Variants in SLC37A2 observed in about 807,000 individuals in gnomAD.
SLC37A2 encodes glucose-6-phosphate exchanger SLC37A2.
A neutral mutation model predicts 70.7 loss-of-function variants in SLC37A2; 59 were observed. That is an observed-to-expected ratio of 0.83 (90% CI 0.68 to 1.04). The LOEUF (loss-of-function observed/expected upper bound fraction) is 1.04, where lower values mean the gene tolerates loss of function less well. Ranked by LOEUF, SLC37A2 falls within the 50% of genes least tolerant of loss-of-function variation. The pLI, the probability that SLC37A2 is intolerant of heterozygous loss-of-function variation, is 0.00. For synonymous variants in SLC37A2, 257 were observed against 262.1 expected (o/e 0.98, Z 0.19); for missense variants, 580 against 658.1 (o/e 0.88, Z 1.30).
chr11:125,070,430 A>G (rs75743586), intron 1 of SLC37A2, among the ~76,000 whole-genome samples: 36,982 of 151,914 alleles, frequency 0.24, 4,864 homozygotes, highest in African/African-American at 0.35. Flanking sequence ...CAGCAGGGGA[A>G]TATGATCTTA....
At position 125,081,443 on chromosome 11, in the gene SLC37A2, C is replaced by G; in HGVS notation, c.717C>G (p.Ala239=). ...TAGACCCAGAAGATGTGGACTGCGC[C>G]CCTCCTCAGCACCACGTGAGTGTGA... ...LIEHPEDVDC[A]PPQHHGEPAE... is the part of the protein sequence containing the mutation. Residue 239 remains alanine, a synonymous_variant, in exon 8 of 18, where the codon GCC becomes GCG. Transcript: ENST00000403796. The G allele has an allele frequency of 6.2e-7, 1 of 1,609,496 alleles. No individual in the cohort carries two copies. The highest frequency in any genetic ancestry group is 8.5e-7 in the Non-Finnish European group (1 of 1,177,622).
rs1444227635 is a variant in SLC37A2 at position 125,085,112 on chromosome 11, C to T, written c.1221C>T (p.Leu407=). 4 of 1,614,058 alleles carry T rather than the reference C, an allele frequency of 2.5e-6. No homozygotes were observed. Among genetic ancestry groups the T allele is most frequent in the East Asian group, 2.2e-5 (1 of 44,888 alleles). ...CGGLVNGPYA[L]ITTAVSADLG... ...GCCTGGTCAATGGCCCATACGCGCT[C>T]ATCACCACTGCTGTCTCTGCTGATC... is the stretch of plus-strand genomic sequence containing the variant. The change falls in exon 14 of 18, where the codon CTC becomes CTT. Residue 407 remains leucine (L), a synonymous_variant. Coordinates refer to ENST00000403796, the MANE Select transcript of SLC37A2 (RefSeq NM_001145290.2).
intron 1 of SLC37A2, among the ~76,000 whole-genome samples, chr11:125,065,183 C>A (rs1463694702): frequency 6.6e-6 from 1 of 152,208 alleles, no homozygotes; most frequent in African/African-American, 2.4e-5. Flanking sequence ...ATGTGCTAGA[C>A]AAGGCATAGT....
In SLC37A2 at chr11:125,083,776, C is replaced by T. The variant is rs537779507; in HGVS notation, c.977-39C>T. 1.1e-5 allele frequency: 18 copies of T among 1,595,106 alleles called. No homozygotes were observed. The highest frequency in any genetic ancestry group is 8.0e-5 in the African/African-American group (6 of 74,666). The stretch of plus-strand genomic sequence containing the variant: ...CTGTGACACTCCAGGATGTTTGCCC[C>T]AAACCCCAGGTCTGACCACATACCT... On this transcript the variant is annotated intron_variant, in intron 10 of 17. Transcript: ENST00000403796. This position sits in a 1 kb window ranked among gnomAD's most constrained non-coding sequence, Gnocchi z 4.6.
intron 2 of SLC37A2, 115 bp from the exon 3 acceptor site, chr11:125,077,115 A>G: frequency 1.2e-6 from 1 of 857,876 alleles, no homozygotes; most frequent in Non-Finnish European, 1.8e-6. Flanking sequence ...AGGAGGTGCC[A>G]GTAGCGGGGA....
rs756632851 is a variant in SLC37A2 at position 125,077,515 on chromosome 11, G to T, written c.301G>T (p.Gly101Cys). The change falls in exon 4 of 18, where the codon GGC becomes TGC. Residue 101 changes from glycine (G) to cysteine (C), a missense_variant. Transcript: ENST00000403796. ...DNAFLIAYAIGMFISGVFGER... is the reference protein window; with the variant it reads ...DNAFLIAYAICMFISGVFGER... The stretch of plus-strand genomic sequence containing the variant: ...CGCCTTCCTCATCGCCTATGCCATC[G>T]GCATGTTCATCAGGTAAGGACAGAG... The T allele has an allele frequency of 1.9e-6, 3 of 1,613,492 alleles. No individual in the cohort carries two copies. The highest frequency in any genetic ancestry group is 2.5e-6 in the Non-Finnish European group (3 of 1,179,606).
intron 1 of SLC37A2, among the ~76,000 whole-genome samples, chr11:125,071,635 A>T (rs541915836): frequency 1.3e-5 from 2 of 152,144 alleles, no homozygotes; most frequent in Non-Finnish European, 2.9e-5. Context: ...GATCTCTCTG[A>T]GCATGTGCCC....
At chr11:125,071,805 CT>C (rs1307812107) in intron 1 of SLC37A2, among the ~76,000 whole-genome samples, 1 of 121,824 alleles carries the variant, frequency 8.2e-6, no homozygotes, top group Non-Finnish European at 1.6e-5. Context: ...CCTGGCTGGC[CT>C]TTTCCTAGCA....
chr11:125,086,291 G>A, intron 17 of SLC37A2: 6 of 1,522,322 alleles, frequency 3.9e-6, no homozygotes, highest in Non-Finnish European at 4.6e-6. Flanking sequence ...TGTGACTCGA[G>A]TGCCATTTGA....
rs1258320588 is a variant in SLC37A2 at position 125,085,623 on chromosome 11, C to T, written c.1374C>T (p.Gly458=). The T allele has an allele frequency of 6.2e-7, 1 of 1,613,850 alleles. No homozygotes were observed. The highest frequency in any genetic ancestry group is 1.7e-5 in the Admixed American group (1 of 60,022). ...PLLAGLISPT[G]WNNVFYMLIS... ...TGGCTGGGCTCATCTCCCCCACGGG[C>T]TGGAACAATGTCTTCTACATGCTCA... The change falls in exon 16 of 18, where the codon GGC becomes GGT. Residue 458 remains glycine, a synonymous_variant. Coordinates refer to ENST00000403796, the MANE Select transcript of SLC37A2 (RefSeq NM_001145290.2).
rs756862145 is a variant in SLC37A2, at chr11:125,081,444, C to A, written c.718C>A (p.Pro240Thr). Reference sequence around the variant, plus strand: ...AGACCCAGAAGATGTGGACTGCGCCCCTCCTCAGCACCACGTGAGTGTGAG... The same window carrying A: ...AGACCCAGAAGATGTGGACTGCGCCACTCCTCAGCACCACGTGAGTGTGAG... ...IEHPEDVDCA[P>T]PQHHGEPAEN... The change falls in exon 8 of 18, where the codon CCT becomes ACT. Residue 240 changes from proline (P) to threonine (T), a missense_variant. Physicochemically the swap from Pro to Thr is conservative, Grantham distance 38. Coordinates refer to ENST00000403796, the MANE Select transcript of SLC37A2 (RefSeq NM_001145290.2). 1.9e-6 allele frequency: 3 copies of A among 1,609,390 alleles called. No homozygotes were observed. Among genetic ancestry groups the A allele is most frequent in the Admixed American group, 3.4e-5 (2 of 59,474 alleles).
At position 125,088,425 on chromosome 11, in the gene SLC37A2, G is replaced by A; in HGVS notation, c.*291G>A. The A allele has an allele frequency of 2.2e-6, 1 of 453,066 alleles. No homozygotes were observed. The highest frequency in any genetic ancestry group is 3.8e-5 in the South Asian group (1 of 26,090). The allele number at this position is 453,066 out of a possible 1,614,324, so 28.1% of individuals were successfully genotyped here. On this transcript the variant is annotated 3_prime_UTR_variant, in exon 18 of 18. Coordinates refer to ENST00000403796, the MANE Select transcript of SLC37A2 (RefSeq NM_001145290.2). ...CTCCATTTTGATAAGGAAAGGATAT[G>A]CTCAGACTCTTGCTTGTTCAGATTC...
Position 125,082,302 on chromosome 11 carries a change from T to A in SLC37A2, c.944T>A (p.Leu315His). The change falls in exon 10 of 18, where the codon CTC becomes CAC. Residue 315 changes from leucine (L) to histidine (H), a missense_variant. Coordinates refer to ENST00000403796, the MANE Select transcript of SLC37A2 (RefSeq NM_001145290.2). Reference sequence around the variant, plus strand: ...GCCAAGCTGGTCAGTTACACCTTCCTCTACTGGCTGCCCCTCTACATCGCC... The same window carrying A: ...GCCAAGCTGGTCAGTTACACCTTCCACTACTGGCTGCCCCTCTACATCGCC... ...LFAKLVSYTFLYWLPLYIANV... is the reference protein window; with the variant it reads ...LFAKLVSYTFHYWLPLYIANV... 6.2e-7 allele frequency: 1 copy of A among 1,613,988 alleles called. No homozygotes were observed. Among genetic ancestry groups the A allele is most frequent in the South Asian group, 1.1e-5 (1 of 91,076 alleles).
At chr11:125,072,244 C>T (rs1949036330) in intron 1 of SLC37A2, among the ~76,000 whole-genome samples, 1 of 152,154 alleles carries the variant, frequency 6.6e-6, no homozygotes, top group Non-Finnish European at 1.5e-5. Context: ...AGTGCAAAGT[C>T]TCAACAAGGT....
At position 125,080,089 on chromosome 11, in the gene SLC37A2, G is replaced by C. The variant is rs1434800634; in HGVS notation, c.527+329G>C. On this transcript the variant is annotated intron_variant, in intron 6 of 17. Transcript: ENST00000403796. This position sits in a 1 kb window ranked among gnomAD's most constrained non-coding sequence, Gnocchi z 4.3. ...TTGTGTGCAAAACAAAGTTGCTTTG[G>C]AGAAGGAGTTCTCACCCTTGGCACT... Among the ~76,000 whole-genome samples, 1 of 152,154 alleles carries C rather than the reference G, an allele frequency of 6.6e-6. No homozygotes were observed. The highest frequency in any genetic ancestry group is 1.5e-5 in the Non-Finnish European group (1 of 68,036).
chr11:125,083,523 G>A lies in SLC37A2; in HGVS notation c.977-292G>A, dbSNP rs531188793. On this transcript the variant is annotated intron_variant, in intron 10 of 17. Transcript: ENST00000403796. The surrounding 1 kb of genome is among the most constrained non-coding windows in gnomAD (Gnocchi z 4.6). Reference sequence around the variant, plus strand: ...GCGCTCCAGGGGAAAGGTGGCCACGGGACAGCAGGCTCGGGGGCCAGATCC... The same window carrying A: ...GCGCTCCAGGGGAAAGGTGGCCACGAGACAGCAGGCTCGGGGGCCAGATCC... 1.4e-4 allele frequency: 50 copies of A among 369,236 alleles called. No individual in the cohort carries two copies. Among genetic ancestry groups the A allele is most frequent in the African/African-American group, 1.0e-3 (50 of 48,690 alleles). The allele number at this position is 369,236 out of a possible 1,614,324, so 22.9% of individuals were successfully genotyped here.
rs987159703 is a variant in SLC37A2 at position 125,084,132 on chromosome 11, G to C, written c.1040-102G>C. The stretch of plus-strand genomic sequence containing the variant: ...GGAAAAAGCAGCTCTGCTGGTTCTT[G>C]CTGACAGGCCCAGGCCAGCACTGGG... On this transcript the variant is annotated intron_variant, in intron 11 of 17. Coordinates refer to ENST00000403796, the MANE Select transcript of SLC37A2 (RefSeq NM_001145290.2). 13 of 1,328,752 alleles carry C rather than the reference G, an allele frequency of 9.8e-6. No individual in the cohort carries two copies. In the Admixed American group the frequency reaches 1.8e-4, roughly 18 times the overall value. The allele number at this position is 1,328,752 out of a possible 1,614,324, so 82.3% of individuals were successfully genotyped here.
Position 125,085,120 on chromosome 11 carries a change from C to T in SLC37A2, c.1229C>T (p.Thr410Ile), listed in dbSNP as rs1179665399. The change falls in exon 14 of 18, where the codon ACT becomes ATT. Residue 410 changes from threonine to isoleucine, a missense_variant. Physicochemically the swap from Thr to Ile is moderately conservative, Grantham distance 89. Coordinates refer to ENST00000403796, the MANE Select transcript of SLC37A2 (RefSeq NM_001145290.2). Reference protein sequence around the residue: ...LVNGPYALITTAVSADLGTHK... With the variant: ...LVNGPYALITIAVSADLGTHK... ...AATGGCCCATACGCGCTCATCACCA[C>T]TGCTGTCTCTGCTGATCTGGTGAGT... 2.5e-6 allele frequency: 4 copies of T among 1,613,978 alleles called. No homozygotes were observed. Among genetic ancestry groups the T allele is most frequent in the Non-Finnish European group, 3.4e-6 (4 of 1,179,906 alleles).
In SLC37A2 at chr11:125,080,711, C is replaced by A; in HGVS notation, c.625C>A (p.Leu209Met). The A allele has an allele frequency of 6.3e-7, 1 of 1,576,734 alleles. No individual in the cohort carries two copies. The highest frequency in any genetic ancestry group is 1.2e-5 in the South Asian group (1 of 86,202). ...AGIWVNGQWG[L>M]SFIVPGIITA... The stretch of plus-strand genomic sequence containing the variant: ...CATCTGGGTGAACGGGCAGTGGGGC[C>A]TGTCGTTCATCGTGCCTGGCATCAT... The change falls in exon 7 of 18, where the codon CTG becomes ATG. Residue 209 changes from leucine (L) to methionine (M), a missense_variant. By Grantham distance (15) the Leu-to-Met change is conservative (BLOSUM62 2). Coordinates refer to ENST00000403796, the MANE Select transcript of SLC37A2 (RefSeq NM_001145290.2). The surrounding 1 kb of genome is among the most constrained non-coding windows in gnomAD (Gnocchi z 4.3).
Sources: gnomAD v4.1 joint callset for allele counts (sites outside exome capture counted in the v4.1 genomes callset) on GRCh38, gnomAD v4.1.1 for gene constraint, Gnocchi (gnomAD v3.1) non-coding constraint, MANE v1.5 for transcripts, NCBI Gene and HGNC (gene_info 2026-07-23, HGNC 2026-07-21) for gene names.